ARK2C: variants seen among roughly 807,000 people sequenced by gnomAD.
ARK2C encodes the protein E3 ubiquitin-protein ligase ARK2C.
At chr18:46,336,499 C>T in the ARK2C span, 1 of 985,374 alleles carries the variant, frequency 1.0e-6, no homozygotes, top group East Asian at 1.1e-4. Context: ...GGTAAAATTT[C>T]GCAGAATGTG....
chr18:46,416,065 T>C, the ARK2C span, among the ~76,000 whole-genome samples: 2 of 152,090 alleles, frequency 1.3e-5, no homozygotes, highest in Non-Finnish European at 2.9e-5. Flanking sequence ...TAACATGTCA[T>C]GGGGGTGGAG....
At chr18:46,391,883 G>T in the ARK2C span, among the ~76,000 whole-genome samples, 5 of 151,176 alleles carry the variant, frequency 3.3e-5, no homozygotes, top group Admixed American at 2.6e-4. Context: ...CATATACACA[G>T]CATGCACACA....
the ARK2C span, chr18:46,387,023 A>T: frequency 6.6e-6 from 1 of 152,214 alleles, no homozygotes; most frequent in East Asian, 1.9e-4. Flanking sequence ...CTTCTAATTC[A>T]TTCCTCACAC....
the ARK2C span, among the ~76,000 whole-genome samples, chr18:46,376,920 G>A: frequency 3.9e-5 from 6 of 152,138 alleles, no homozygotes; most frequent in East Asian, 1.9e-4. Context: ...TGCCCGCCTC[G>A]GCATCTCAAA....
At chr18:46,456,418 C>T in the ARK2C span, 1 of 832,776 alleles carries the variant, frequency 1.2e-6, no homozygotes, top group Admixed American at 2.0e-5. Flanking sequence ...AGCCTCCCTC[C>T]ATAGCCGGGC....
chr18:46,395,093 C>T, the ARK2C span, among the ~76,000 whole-genome samples: 1 of 152,230 alleles, frequency 6.6e-6, no homozygotes. Flanking sequence ...TGCCTGAAGT[C>T]AACGCTGACT....
chr18:46,340,157 G>A, the ARK2C span, among the ~76,000 whole-genome samples: 2 of 152,118 alleles, frequency 1.3e-5, no homozygotes, highest in Non-Finnish European at 2.9e-5. Flanking sequence ...AAAATTCCCG[G>A]CTTAACATTG....
chr18:46,406,021 T>C, the ARK2C span, among the ~76,000 whole-genome samples: 1 of 151,664 alleles, frequency 6.6e-6, no homozygotes, highest in Non-Finnish European at 1.5e-5. Flanking sequence ...CATACCCCTG[T>C]GTGTGTGTAC....
the ARK2C span, among the ~76,000 whole-genome samples, chr18:46,369,765 C>T: frequency 2.0e-5 from 3 of 152,178 alleles, no homozygotes; most frequent in South Asian, 6.2e-4. Context: ...ACCCTTTTCC[C>T]ATTTCTAATG....
At chr18:46,378,717 C>T in the ARK2C span, among the ~76,000 whole-genome samples, 3 of 152,194 alleles carry the variant, frequency 2.0e-5, no homozygotes, top group East Asian at 1.9e-4. Context: ...AGGTGTGGTG[C>T]TCAGGCCACC....
At chr18:46,437,722 C>G in the ARK2C span, among the ~76,000 whole-genome samples, 1 of 152,216 alleles carries the variant, frequency 6.6e-6, no homozygotes, top group Non-Finnish European at 1.5e-5. Flanking sequence ...ATAACTTGAT[C>G]CTGACCTTAA....
the ARK2C span, among the ~76,000 whole-genome samples, chr18:46,430,699 A>G: frequency 2.6e-5 from 4 of 151,966 alleles, no homozygotes; most frequent in Non-Finnish European, 4.4e-5. Context: ...TTGTCTTCCA[A>G]TTGCCCTGTT....
chr18:46,440,402 T>A, the ARK2C span, among the ~76,000 whole-genome samples: 1 of 152,232 alleles, frequency 6.6e-6, no homozygotes, highest in South Asian at 2.1e-4. Context: ...TTAAGCTTTA[T>A]CATTGGTGTG....
At chr18:46,360,623 A>G in the ARK2C span, among the ~76,000 whole-genome samples, 9 of 152,228 alleles carry the variant, frequency 5.9e-5, no homozygotes, top group African/African-American at 2.2e-4. Flanking sequence ...CCCCAGGCGA[A>G]AGACCCCTGC....
the ARK2C span, among the ~76,000 whole-genome samples, chr18:46,391,625 C>T: frequency 6.6e-5 from 10 of 152,082 alleles, no homozygotes; most frequent in African/African-American, 2.2e-4. Context: ...TCACCCTGAG[C>T]TGTTCTGCTT....
the ARK2C span, among the ~76,000 whole-genome samples, chr18:46,364,438 C>T: frequency 1.3e-5 from 2 of 151,746 alleles, no homozygotes; most frequent in Non-Finnish European, 2.9e-5. Context: ...TCGTAGAACA[C>T]GCATTCTAAA....
chr18:46,412,164 C>T, the ARK2C span, among the ~76,000 whole-genome samples: 8 of 152,218 alleles, frequency 5.3e-5, no homozygotes, highest in African/African-American at 1.2e-4. Flanking sequence ...GGTTTAAGTC[C>T]TTCCAACCCC....
chr18:46,394,618 C>T, the ARK2C span, among the ~76,000 whole-genome samples: 1 of 152,222 alleles, frequency 6.6e-6, no homozygotes, highest in Non-Finnish European at 1.5e-5. Context: ...AAATGGAATA[C>T]AGTTTCCCCT....
At chr18:46,366,182 C>G in the ARK2C span, among the ~76,000 whole-genome samples, 1 of 149,928 alleles carries the variant, frequency 6.7e-6, no homozygotes, top group Non-Finnish European at 1.5e-5. Flanking sequence ...ATCCCAGCTA[C>G]TCGGGAGGCT....
Sources: gnomAD v4.1 joint callset for allele counts (sites outside exome capture counted in the v4.1 genomes callset) on GRCh38, gnomAD v4.1.1 for gene constraint, MANE v1.5 for transcripts, NCBI Gene and HGNC (gene_info 2026-07-23, HGNC 2026-07-21) for gene names.